Variants in FOXN3 observed in about 807,000 individuals in gnomAD.
The protein encoded by FOXN3 is forkhead box protein N3.
Under a neutral mutation model 38.4 loss-of-function variants are expected in FOXN3, and 7 were observed. That is an observed-to-expected ratio of 0.18 (90% CI 0.10 to 0.34). The LOEUF (loss-of-function observed/expected upper bound fraction) is 0.34, where lower values mean the gene tolerates loss of function less well. Among genes scored for constraint, FOXN3 ranks in the 10% least tolerant of loss-of-function variants. FOXN3 has a pLI of 1.00. For synonymous variants in FOXN3, 230 were observed against 242.2 expected, an observed-to-expected ratio of 0.95 and a Z score of 0.47; for missense variants, 456 against 613.4, an observed-to-expected ratio of 0.74 and a Z score of 2.71.
At chr14:89,195,174 G>T (rs1888065850) in intron 4 of FOXN3, among the ~76,000 whole-genome samples, 1 of 152,138 alleles carries the variant, frequency 6.6e-6, no homozygotes, top group Non-Finnish European at 1.5e-5. Context: ...GGGCACCTAA[G>T]GGCACTGCCT....
At position 89,369,902 on chromosome 14, in the gene FOXN3, C is replaced by A. The variant is rs532966051; in HGVS notation, c.544-19094G>T. Among the ~76,000 whole-genome samples the A allele has an allele frequency of 2.6e-5, 4 of 152,332 alleles. No homozygotes were observed. The East Asian group carries it at 5.8e-4, about 22-fold the overall frequency. On this transcript the variant is annotated intron_variant, in intron 2 of 5. Transcript: ENST00000557258. ...AGTTCAGACAAGTTAACGAATTTGT[C>A]TAAGGTGAAATGCAGGCAGCTTGAT... is the stretch of plus-strand genomic sequence containing the variant.
At chr14:89,350,965 T>C in intron 2 of FOXN3, 157 bp from the exon 3 acceptor site, 2 of 451,382 alleles carry the variant, frequency 4.4e-6, no homozygotes, top group Non-Finnish European at 7.5e-6. Flanking sequence ...TAGAACTCCA[T>C]AAAATGCACT....
chr14:89,244,638 C>T (rs1336927049), intron 4 of FOXN3, among the ~76,000 whole-genome samples: 3 of 152,136 alleles, frequency 2.0e-5, no homozygotes, highest in Non-Finnish European at 4.4e-5. Context: ...AACCACTTAC[C>T]TTGTCTTATA....
intron 5 of FOXN3, among the ~76,000 whole-genome samples, chr14:89,176,591 CTG>C (rs760935048): frequency 3.3e-5 from 5 of 152,244 alleles, no homozygotes; most frequent in Non-Finnish European, 5.9e-5. Flanking sequence ...AGATAACATT[CTG>C]TGTTGTTCTA....
intron 2 of FOXN3, among the ~76,000 whole-genome samples, chr14:89,360,121 C>T (rs573448077): frequency 1.2e-4 from 19 of 152,246 alleles, no homozygotes; most frequent in East Asian, 5.8e-4. Flanking sequence ...GTTAATTCCC[C>T]GGGGCCCCTG....
intron 1 of FOXN3, among the ~76,000 whole-genome samples, chr14:89,505,952 T>C (rs1893916131): frequency 6.7e-6 from 1 of 149,382 alleles, no homozygotes. Flanking sequence ...GGAGACCCTC[T>C]GCCTGGCAAC....
At chr14:89,174,080 G>A (rs1182701890) in intron 5 of FOXN3, among the ~76,000 whole-genome samples, 1 of 152,096 alleles carries the variant, frequency 6.6e-6, no homozygotes, top group Non-Finnish European at 1.5e-5. Flanking sequence ...AAATACTAAG[G>A]AGCATGCAGA....
At chr14:89,291,672 C>T (rs1886876877) in intron 3 of FOXN3, 2 of 422,644 alleles carry the variant, frequency 4.7e-6, no homozygotes, top group African/African-American at 2.0e-5. Flanking sequence ...TCCTGTGGCC[C>T]TTATTGTGTT....
chr14:89,327,205 T>C (rs558403847), intron 3 of FOXN3, among the ~76,000 whole-genome samples: 1 of 152,282 alleles, frequency 6.6e-6, no homozygotes, highest in South Asian at 2.1e-4. Context: ...AGGTGAGATT[T>C]ATATACAAAG....
intron 1 of FOXN3, among the ~76,000 whole-genome samples, chr14:89,605,631 CAT>C (rs1596330840): frequency 6.6e-6 from 1 of 151,964 alleles, no homozygotes; most frequent in Non-Finnish European, 1.5e-5. Flanking sequence ...TACATTTGTA[CAT>C]GTCATATATA....
At chr14:89,354,428 G>A (rs994804281) in intron 2 of FOXN3, among the ~76,000 whole-genome samples, 1 of 150,422 alleles carries the variant, frequency 6.6e-6, no homozygotes, top group Non-Finnish European at 1.5e-5. Context: ...GTTTCTCCAT[G>A]TTGGCCAGGC....
At chr14:89,390,438 T>C (rs991283303) in intron 2 of FOXN3, among the ~76,000 whole-genome samples, 1 of 147,792 alleles carries the variant, frequency 6.8e-6, no homozygotes, top group South Asian at 2.1e-4. Flanking sequence ...AATCCACTAA[T>C]GTATTTTTCA....
intron 3 of FOXN3, chr14:89,290,424 T>C (rs1048458335): frequency 3.4e-5 from 13 of 378,178 alleles, no homozygotes; most frequent in Middle Eastern, 4.3e-4. Flanking sequence ...TTGAATGTAC[T>C]TGGAGTTGGT....
At chr14:89,297,515 G>A (rs1222153516) in intron 3 of FOXN3, among the ~76,000 whole-genome samples, 1 of 150,262 alleles carries the variant, frequency 6.7e-6, no homozygotes, top group African/African-American at 2.4e-5. Flanking sequence ...AGCCGAGATT[G>A]CGCCACTGCA....
At chr14:89,182,268 C>G (rs1887693774) in intron 4 of FOXN3, among the ~76,000 whole-genome samples, 2 of 152,156 alleles carry the variant, frequency 1.3e-5, no homozygotes, top group Non-Finnish European at 2.9e-5. Context: ...GGATGAATGT[C>G]CACTATTGAA....
At chr14:89,611,154 A>T (rs902777636) in intron 1 of FOXN3, among the ~76,000 whole-genome samples, 1 of 152,226 alleles carries the variant, frequency 6.6e-6, no homozygotes, top group African/African-American at 2.4e-5. Context: ...AATCAAGCTG[A>T]ACCCCAACCT....
intron 4 of FOXN3, among the ~76,000 whole-genome samples, chr14:89,191,015 A>T (rs188112700): frequency 1.3e-5 from 2 of 152,088 alleles, no homozygotes; most frequent in Non-Finnish European, 2.9e-5. Context: ...ATAAAGAAAA[A>T]AGTAAAGTTG....
At chr14:89,348,549 TTA>T (rs2140005266) in intron 3 of FOXN3, among the ~76,000 whole-genome samples, 1 of 152,160 alleles carries the variant, frequency 6.6e-6, no homozygotes, top group East Asian at 1.9e-4. Context: ...TCTCATGGAC[TTA>T]AGGCATGGAA....
In FOXN3 at chr14:89,167,771, A is replaced by G. The variant is rs73319293; in HGVS notation, c.852-4802T>C. Among the ~76,000 whole-genome samples, 681 of 152,370 alleles carry G rather than the reference A, an allele frequency of 4.5e-3. 5 individuals are homozygous for G. Among genetic ancestry groups the G allele is most frequent in the African/African-American group, 0.016 (651 of 41,582 alleles). ...GACATACACACAAATAAAACATTTT[A>G]AAGTAACCTGCAGTGTGAGCAATCA... On this transcript the variant is annotated intron_variant, in intron 5 of 5. Transcript: ENST00000557258.
Sources: allele counts gnomAD v4.1 joint callset (sites outside exome capture counted in the v4.1 genomes callset), GRCh38; gene constraint gnomAD v4.1.1; transcripts MANE v1.5; gene names NCBI Gene and HGNC (gene_info 2026-07-23, HGNC 2026-07-21).